EVI5: variants seen among roughly 807,000 people sequenced by gnomAD.
EVI5 encodes ecotropic viral integration site 5 protein homolog.
EVI5 carries 73 observed loss-of-function variants against 112.0 expected under a neutral mutation model. The ratio of observed to expected loss-of-function variants is 0.65; its 90% CI spans 0.54 to 0.79. EVI5 has a LOEUF of 0.79. Among genes scored for constraint, EVI5 ranks in the 30% least tolerant of loss-of-function variants. EVI5 has a pLI of 0.00. For synonymous variants in EVI5, 305 were observed against 319.9 expected (o/e 0.95, Z 0.50); for missense variants, 900 against 968.8 (o/e 0.93, Z 0.94).
chr1:92,676,408 G>A (rs148588253), intron 10 of EVI5, among the ~76,000 whole-genome samples: 1 of 151,284 alleles, frequency 6.6e-6, no homozygotes, highest in Non-Finnish European at 1.5e-5. Flanking sequence ...TTTCTCCAGG[G>A]GTTGGGGGTA....
At chr1:92,600,576 T>C (rs969998088) in intron 18 of EVI5, among the ~76,000 whole-genome samples, 2 of 152,166 alleles carry the variant, frequency 1.3e-5, no homozygotes, top group Non-Finnish European at 2.9e-5. Flanking sequence ...TCGTAGTCCA[T>C]AGAGAGGGTG....
chr1:92,570,434 G>A (rs116359246), intron 18 of EVI5, among the ~76,000 whole-genome samples: 3,491 of 152,216 alleles, frequency 0.023, 68 homozygotes, highest in Non-Finnish European at 0.034. Flanking sequence ...AGATAGAAAG[G>A]TTAGATGTTT....
intron 16 of EVI5, among the ~76,000 whole-genome samples, chr1:92,614,493 G>T (rs1253436250): frequency 1.3e-5 from 2 of 152,124 alleles, no homozygotes; most frequent in Non-Finnish European, 2.9e-5. Flanking sequence ...ATTAACATTT[G>T]AGTCAGTGGG....
At chr1:92,716,902 G>C (rs1673797571) in intron 2 of EVI5, among the ~76,000 whole-genome samples, 1 of 151,178 alleles carries the variant, frequency 6.6e-6, no homozygotes, top group African/African-American at 2.4e-5. Context: ...CTCCTCGCCA[G>C]CAACGGAACA....
intron 1 of EVI5, among the ~76,000 whole-genome samples, chr1:92,748,928 T>A (rs1679756552): frequency 6.6e-6 from 1 of 151,464 alleles, no homozygotes; most frequent in African/African-American, 2.4e-5. Context: ...TAGCTGGGCG[T>A]GGTGGCGTAT....
At chr1:92,662,921 T>C in intron 12 of EVI5, 56 bp from the exon 13 acceptor site, 2 of 985,204 alleles carry the variant, frequency 2.0e-6, no homozygotes, top group Admixed American at 4.3e-5. Flanking sequence ...CAAGAAAGAC[T>C]GCCTTTGTGA....
rs1446396016 is a variant in EVI5, at chr1:92,509,388, GA to G, written c.*4267del. ...GAAACCTGTCATCTCAGCAAACACT[GA>G]ATACCTAGTATCTAGCCAAAAAACA... On this transcript the variant is annotated 3_prime_UTR_variant, in exon 20 of 20. Coordinates refer to ENST00000684568, the MANE Select transcript of EVI5 (RefSeq NM_001350197.2). 1 of 152,404 alleles carries G rather than the reference GA, an allele frequency of 6.6e-6. No individual in the cohort carries two copies. Among genetic ancestry groups the G allele is most frequent in the African/African-American group, 2.4e-5 (1 of 41,308 alleles). 9.4% of individuals were successfully genotyped at this position (152,404 alleles called of 1,614,324 possible).
chr1:92,600,895 T>G (rs1310434384), intron 18 of EVI5, among the ~76,000 whole-genome samples: 1 of 152,184 alleles, frequency 6.6e-6, no homozygotes, highest in Non-Finnish European at 1.5e-5. Flanking sequence ...ACCCTTCATT[T>G]GGGTATAGTT....
intron 18 of EVI5, among the ~76,000 whole-genome samples, chr1:92,590,468 G>A (rs975524129): frequency 5.3e-5 from 8 of 152,284 alleles, no homozygotes; most frequent in South Asian, 2.1e-4. Flanking sequence ...CGTGATGAAC[G>A]CACAAGCCTC....
chr1:92,685,804 G>T (rs987108829), intron 9 of EVI5, among the ~76,000 whole-genome samples: 1 of 152,188 alleles, frequency 6.6e-6, no homozygotes, highest in East Asian at 1.9e-4. Context: ...TAGAAGAAAT[G>T]GATAAAATCC....
chr1:92,568,458 T>C (rs1669830962), intron 18 of EVI5, among the ~76,000 whole-genome samples: 1 of 152,076 alleles, frequency 6.6e-6, no homozygotes. Flanking sequence ...CTATTATATA[T>C]TGAACAGGTA....
At position 92,541,918 on chromosome 1, in the gene EVI5, A is replaced by C. The variant is rs1350727099; in HGVS notation, c.2166+21724T>G. ...AATGCTAATGATCACCTGAGTGGTC[A>C]GCAAGTAATGGATCTTTTTGCTGGT... On this transcript the variant is annotated intron_variant, in intron 19 of 19. Transcript: ENST00000684568. 2.0e-5 allele frequency among the ~76,000 whole-genome samples: 3 copies of C among 152,250 alleles called. No homozygotes were observed. In the South Asian group the frequency reaches 6.2e-4, roughly 31 times the overall value.
chr1:92,578,777 C>T (rs1430923516), intron 18 of EVI5, among the ~76,000 whole-genome samples: 1 of 151,464 alleles, frequency 6.6e-6, no homozygotes, highest in Non-Finnish European at 1.5e-5. Flanking sequence ...TCAAGGACCA[C>T]ATGACTAGCC....
At chr1:92,580,361 C>T (rs1433717963) in intron 18 of EVI5, 1 of 152,146 alleles carries the variant, frequency 6.6e-6, no homozygotes, top group East Asian at 1.9e-4. Context: ...ATTTAATTAA[C>T]ACTAGGCATT....
chr1:92,731,274 G>A (rs1230375540), intron 2 of EVI5, among the ~76,000 whole-genome samples: 1 of 152,130 alleles, frequency 6.6e-6, no homozygotes, highest in Non-Finnish European at 1.5e-5. Flanking sequence ...AGTGAGCAGA[G>A]ATCACACCAC....
At chr1:92,620,735 A>G (rs1296437814) in intron 16 of EVI5, among the ~76,000 whole-genome samples, 1 of 152,196 alleles carries the variant, frequency 6.6e-6, no homozygotes, top group East Asian at 1.9e-4. Context: ...AGGAAATGAT[A>G]AAAGAACTTC....
rs1489130472 is a variant in EVI5 at position 92,704,727 on chromosome 1, C to A, written c.167G>T (p.Ser56Ile). 6.5e-7 allele frequency: 1 copy of A among 1,549,698 alleles called. No individual in the cohort carries two copies. Among genetic ancestry groups the A allele is most frequent in the African/African-American group, 1.4e-5 (1 of 72,972 alleles). ...CCCATTTACAGATCTTAAAGACTTACTATCCGTTTCTAACAATCTAAAATA... is the reference window on the plus strand; with the variant it reads ...CCCATTTACAGATCTTAAAGACTTAATATCCGTTTCTAACAATCTAAAATA... ...EEQNRLLETD[S>I]KSLRSVNGSR... Residue 56 changes from serine (S) to isoleucine (I), a missense_variant, in exon 3 of 20, where the codon AGT becomes ATT. Physicochemically the swap from Ser to Ile is moderately radical, Grantham distance 142. Coordinates refer to ENST00000684568, the MANE Select transcript of EVI5 (RefSeq NM_001350197.2).
chr1:92,579,145 T>C (rs774623489), intron 18 of EVI5, among the ~76,000 whole-genome samples: 156 of 152,350 alleles, frequency 1.0e-3, no homozygotes, highest in Non-Finnish European at 2.0e-3. Context: ...AAGAGTGATA[T>C]CAAGTCAAAG....
At chr1:92,536,230 C>T (rs1163118971) in intron 19 of EVI5, among the ~76,000 whole-genome samples, 2 of 152,094 alleles carry the variant, frequency 1.3e-5, no homozygotes, top group African/African-American at 2.4e-5. Context: ...ATAAAGAGAT[C>T]GGATTTTAGA....
Sources: gnomAD v4.1 joint callset for allele counts (sites outside exome capture counted in the v4.1 genomes callset) on GRCh38, gnomAD v4.1.1 for gene constraint, MANE v1.5 for transcripts, NCBI Gene and HGNC (gene_info 2026-07-23, HGNC 2026-07-21) for gene names.